RHBDD1: variants seen among roughly 807,000 people sequenced by gnomAD.
RHBDD1 encodes the protein rhomboid domain containing 1, also known as rhomboid-related protein 4.
In RHBDD1, 38 loss-of-function variants were observed where a neutral mutation model predicts 36.3. That is an observed-to-expected ratio of 1.05 (90% CI 0.81 to 1.37). The LOEUF (loss-of-function observed/expected upper bound fraction) is 1.37, where lower values mean the gene tolerates loss of function less well. Among genes scored for constraint, RHBDD1 ranks in the 40% most tolerant of loss-of-function variants. RHBDD1 has a pLI of 0.00. For missense variants in RHBDD1, 393 were observed against 377.6 expected (o/e 1.04, Z -0.34); for synonymous variants, 151 against 136.5 (o/e 1.11, Z -0.74).
At position 226,988,513 on chromosome 2, in the gene RHBDD1, G is replaced by A; in HGVS notation, c.857-6918G>A. 2 of 1,517,572 alleles carry A rather than the reference G, an allele frequency of 1.3e-6. 1 individual carries two copies. The highest frequency in any genetic ancestry group is 2.6e-5 in the South Asian group (2 of 77,330). 94.0% of individuals were successfully genotyped at this position (1,517,572 alleles called of 1,614,324 possible). On this transcript the variant is annotated intron_variant, in intron 8 of 8. Transcript: ENST00000392062. ...GCAAAGACTCAGGCCTTGCGAGGTGGATAGCAGCTGCCCGCACTGTGCCAG... is the reference window on the plus strand; with the variant it reads ...GCAAAGACTCAGGCCTTGCGAGGTGAATAGCAGCTGCCCGCACTGTGCCAG...
At chr2:226,877,812 T>A (rs1945370219) in intron 5 of RHBDD1, among the ~76,000 whole-genome samples, 2 of 152,230 alleles carry the variant, frequency 1.3e-5, no homozygotes, top group South Asian at 4.1e-4. Context: ...TTTACCGCTT[T>A]GTCAAAGATA....
At chr2:226,926,495 A>G (rs1206268200) in intron 8 of RHBDD1, among the ~76,000 whole-genome samples, 1 of 152,036 alleles carries the variant, frequency 6.6e-6, no homozygotes, top group Non-Finnish European at 1.5e-5. Flanking sequence ...GTGTCTTATT[A>G]TTTCTTTGTG....
At chr2:226,969,988 G>GGC (rs1209194879) in intron 8 of RHBDD1, among the ~76,000 whole-genome samples, 2 of 102,948 alleles carry the variant, frequency 1.9e-5, no homozygotes, top group African/African-American at 7.6e-5. Flanking sequence ...GTTTACAACT[G>GGC]TCCCCCCCCC....
chr2:226,977,635 G>C (rs182039564), intron 8 of RHBDD1, among the ~76,000 whole-genome samples: 3 of 152,274 alleles, frequency 2.0e-5, no homozygotes, highest in African/African-American at 7.2e-5. Context: ...AAGCATAATA[G>C]TTGTCATCCG....
At chr2:226,982,365 C>G (rs946319559) in intron 8 of RHBDD1, among the ~76,000 whole-genome samples, 8 of 152,298 alleles carry the variant, frequency 5.3e-5, no homozygotes, top group Admixed American at 3.9e-4. Flanking sequence ...GGACAATATC[C>G]TAGGTCAGGG....
At chr2:226,908,582 T>TACACACACACAC (rs10559846) in intron 6 of RHBDD1, 87 of 346,908 alleles carry the variant, frequency 2.5e-4, no homozygotes, top group African/African-American at 1.4e-3. Context: ...CATTTTCCAC[T>TACACACACACAC]ACACACACAC....
chr2:226,908,582 TACACACACAC>T lies in RHBDD1; in HGVS notation c.656-210_656-201del, dbSNP rs10559846. The T allele has an allele frequency of 3.3e-4, 114 of 346,904 alleles. No homozygotes were observed. The South Asian group carries it at 3.8e-3, about 12-fold the overall frequency. 21.5% of individuals were successfully genotyped at this position (346,904 alleles called of 1,614,324 possible). A position where few individuals can be genotyped will look rare whatever the true frequency, so the allele number is the denominator to read the frequency against. On this transcript the variant is annotated intron_variant, in intron 6 of 8. Coordinates refer to ENST00000392062, the MANE Select transcript of RHBDD1 (RefSeq NM_001167608.3). ...TGTAAATTAGGGTTTCATTTTCCAC[TACACACACAC>T]ACACACACACACACACACACACACA...
upstream of RHBDD1, among the ~76,000 whole-genome samples, chr2:226,832,517 G>C (rs1940767967): frequency 6.6e-6 from 1 of 152,138 alleles, no homozygotes. Flanking sequence ...TATATACTTA[G>C]TGATTTTCTG....
intron 3 of RHBDD1, among the ~76,000 whole-genome samples, chr2:226,848,163 A>G (rs1340064879): frequency 6.6e-6 from 1 of 152,226 alleles, no homozygotes; most frequent in African/African-American, 2.4e-5. Context: ...TACCAAAAGA[A>G]GTTCGGTATT....
chr2:226,916,316 G>A (rs970091148), intron 8 of RHBDD1, among the ~76,000 whole-genome samples: 1 of 152,124 alleles, frequency 6.6e-6, no homozygotes, highest in African/African-American at 2.4e-5. Context: ...TATAGTCAGT[G>A]GACTGCCAGT....
chr2:226,934,177 C>A (rs370724153), intron 8 of RHBDD1, among the ~76,000 whole-genome samples: 2 of 152,028 alleles, frequency 1.3e-5, no homozygotes, highest in Non-Finnish European at 2.9e-5. Context: ...TTTATTATAC[C>A]TTTTCTATGT....
intron 8 of RHBDD1, among the ~76,000 whole-genome samples, chr2:226,922,202 CTTTTTTTTTT>C (rs1017204610): frequency 2.9e-5 from 3 of 105,042 alleles, no homozygotes; most frequent in African/African-American, 1.1e-4. Context: ...TATCTTTTTC[CTTTTTTTTTT>C]TTTTTTTTTT....
At chr2:226,858,512 A>G (rs1257030389) in intron 3 of RHBDD1, among the ~76,000 whole-genome samples, 1 of 152,192 alleles carries the variant, frequency 6.6e-6, no homozygotes, top group Non-Finnish European at 1.5e-5. Flanking sequence ...TAACTGGTAT[A>G]TATTCTTGCA....
At chr2:226,976,104 G>A (rs1013655055) in intron 8 of RHBDD1, among the ~76,000 whole-genome samples, 2 of 151,588 alleles carry the variant, frequency 1.3e-5, no homozygotes, top group Non-Finnish European at 2.9e-5. Flanking sequence ...AAAGCCCCAA[G>A]TTTTTGGTAC....
rs1251004597 is a variant in RHBDD1 at position 226,995,739 on chromosome 2, A to C, written c.*217A>C. 1 of 570,818 alleles carries C rather than the reference A, an allele frequency of 1.8e-6. No individual in the cohort carries two copies. The highest frequency in any genetic ancestry group is 3.1e-6 in the Non-Finnish European group (1 of 322,892). 35.4% of individuals were successfully genotyped at this position (570,818 alleles called of 1,614,324 possible). On this transcript the variant is annotated 3_prime_UTR_variant, in exon 9 of 9. Transcript: ENST00000392062. ...TTCTCCTGGCCTTGTTCTTGCTCAT[A>C]AACAGGTCACTTCCTCCATGAAGAG...
At chr2:226,817,096 T>C in the RHBDD1 span, among the ~76,000 whole-genome samples, 4 of 152,334 alleles carry the variant, frequency 2.6e-5, no homozygotes, top group East Asian at 5.8e-4. Flanking sequence ...TGTGACATCA[T>C]CTATACCACC....
chr2:226,830,195 A>G, the RHBDD1 span, among the ~76,000 whole-genome samples: 1 of 152,106 alleles, frequency 6.6e-6, no homozygotes, highest in Non-Finnish European at 1.5e-5. Flanking sequence ...AGCCTTTGGG[A>G]AGGAATTAGG....
At chr2:226,906,997 C>A in intron 6 of RHBDD1, 116 bp downstream of exon 6, 1 of 1,046,092 alleles carries the variant, frequency 9.6e-7, no homozygotes, top group Non-Finnish European at 1.5e-6. Flanking sequence ...CCCTAATATG[C>A]CTGTTTTTCT....
intron 8 of RHBDD1, among the ~76,000 whole-genome samples, chr2:226,929,506 A>G (rs1949880078): frequency 6.6e-6 from 1 of 152,010 alleles, no homozygotes. Flanking sequence ...TACCTCAACA[A>G]AATAAAAGCT....
Sources: gnomAD v4.1 joint callset for allele counts (sites outside exome capture counted in the v4.1 genomes callset) on GRCh38, gnomAD v4.1.1 for gene constraint, MANE v1.5 for transcripts, NCBI Gene and HGNC (gene_info 2026-07-23, HGNC 2026-07-21) for gene names.